Variants in NAV2 observed in about 807,000 individuals in gnomAD.
NAV2 encodes the protein neuron navigator 2, also known as helicase, APC down-regulated 1.
In NAV2, 54 loss-of-function variants were observed where a neutral mutation model predicts 223.2. The ratio of observed to expected loss-of-function variants is 0.24; its 90% CI spans 0.19 to 0.30. The LOEUF is 0.30. Among genes scored for constraint, NAV2 ranks in the 10% least tolerant of loss-of-function variants. The probability of loss-of-function intolerance (pLI) is 1.00; values close to 1 mark genes in which losing one functional copy is unlikely to be tolerated. For synonymous variants in NAV2, 1,279 were observed against 1,239.3 expected (o/e 1.03, Z -0.67); for missense variants, 2,806 against 3,147.5 (o/e 0.89, Z 2.60).
At chr11:19,373,611 T>C (rs1037455960) in intron 1 of NAV2, among the ~76,000 whole-genome samples, 3 of 152,210 alleles carry the variant, frequency 2.0e-5, no homozygotes, top group Non-Finnish European at 2.9e-5. Context: ...CTGTAGCCTC[T>C]TACCCTCCCT....
At chr11:19,874,497 A>T (rs2625313) in intron 4 of NAV2, among the ~76,000 whole-genome samples, 1 of 152,056 alleles carries the variant, frequency 6.6e-6, no homozygotes, top group African/African-American at 2.4e-5. Context: ...TCCTTTTCCA[A>T]AGCCTTGGGG....
At position 20,045,097 on chromosome 11, in the gene NAV2, C is replaced by G; in HGVS notation, c.3329C>G (p.Ser1110Cys). 6.2e-7 allele frequency: 1 copy of G among 1,614,202 alleles called. No homozygotes were observed. The highest frequency in any genetic ancestry group is 8.5e-7 in the Non-Finnish European group (1 of 1,180,018). ...DESKKPLPSSSRTPTANANSF... is the reference protein window; with the variant it reads ...DESKKPLPSSCRTPTANANSF... ...TCCAAAAAGCCCCTCCCCAGCAGCT[C>G]TAGGACACCTACTGCCAATGCCAAC... is the stretch of plus-strand genomic sequence containing the variant. The change falls in exon 14 of 38, where the codon TCT becomes TGT. Residue 1110 changes from serine to cysteine, a missense_variant. By Grantham distance (112) the Ser-to-Cys change is moderately radical. Coordinates refer to ENST00000349880, the MANE Select transcript of NAV2 (RefSeq NM_145117.5).
chr11:19,355,730 A>G (rs1853579223), intron 1 of NAV2, among the ~76,000 whole-genome samples: 1 of 152,178 alleles, frequency 6.6e-6, no homozygotes, highest in Non-Finnish European at 1.5e-5. Flanking sequence ...TCAGTCCTGC[A>G]TGGTAACTGT....
In NAV2 at chr11:19,686,848, A is replaced by T. The variant is rs139499130; in HGVS notation, c.76-145636A>T. On this transcript the variant is annotated intron_variant, in intron 1 of 37. Transcript: ENST00000360655. ...ACTCAATTATAACATTTAGTCTTTA[A>T]TGGATACTTCTTAGTTTTTGCCAGG... Among the ~76,000 whole-genome samples the T allele has an allele frequency of 7.9e-5, 12 of 152,346 alleles. No individual in the cohort carries two copies. In the East Asian group the frequency reaches 1.9e-3, roughly 24 times the overall value.
intron 11 of NAV2, among the ~76,000 whole-genome samples, chr11:19,989,277 A>T (rs1224504201): frequency 1.3e-5 from 2 of 152,214 alleles, no homozygotes; most frequent in Non-Finnish European, 2.9e-5. Context: ...GGAGGCCAAG[A>T]GGAGGAGGTC....
At chr11:19,693,332 C>A (rs1393930230) in intron 1 of NAV2, among the ~76,000 whole-genome samples, 1 of 152,166 alleles carries the variant, frequency 6.6e-6, no homozygotes, top group Non-Finnish European at 1.5e-5. Context: ...GCGGCAACAG[C>A]TAGAGGAAAT....
chr11:19,588,440 G>T (rs1336388254), intron 1 of NAV2, among the ~76,000 whole-genome samples: 1 of 152,198 alleles, frequency 6.6e-6, no homozygotes, highest in East Asian at 1.9e-4. Flanking sequence ...CTTGACAGTG[G>T]CTTCCTGAAG....
At chr11:19,591,542 G>C (rs2046061764) in intron 1 of NAV2, among the ~76,000 whole-genome samples, 1 of 152,152 alleles carries the variant, frequency 6.6e-6, no homozygotes, top group African/African-American at 2.4e-5. Context: ...ACCTCTATGT[G>C]AACTGCTTCA....
intron 1 of NAV2, among the ~76,000 whole-genome samples, chr11:19,508,425 C>A (rs1004332013): frequency 6.6e-6 from 1 of 152,168 alleles, no homozygotes; most frequent in Non-Finnish European, 1.5e-5. Context: ...TCCTGCTAAT[C>A]CTATTTGGTT....
intron 32 of NAV2, among the ~76,000 whole-genome samples, chr11:20,101,999 T>C (rs1242245956): frequency 6.6e-6 from 1 of 152,156 alleles, no homozygotes; most frequent in Non-Finnish European, 1.5e-5. Context: ...CCTCACTTCT[T>C]GATGACCTAT....
intron 1 of NAV2, among the ~76,000 whole-genome samples, chr11:19,530,548 A>G (rs1004493156): frequency 1.3e-5 from 2 of 152,180 alleles, no homozygotes; most frequent in African/African-American, 4.8e-5. Flanking sequence ...CACCCTGCTG[A>G]TGGATGGTAT....
chr11:19,670,104 T>A (rs1332728097), intron 1 of NAV2, among the ~76,000 whole-genome samples: 1 of 152,162 alleles, frequency 6.6e-6, no homozygotes, highest in Non-Finnish European at 1.5e-5. Flanking sequence ...TCTCTGAGCC[T>A]CAGTCCCTCA....
At chr11:19,479,274 G>A (rs1157855770) in intron 1 of NAV2, among the ~76,000 whole-genome samples, 1 of 152,144 alleles carries the variant, frequency 6.6e-6, no homozygotes, top group Non-Finnish European at 1.5e-5. Flanking sequence ...GGCATATTAG[G>A]AGCTAGTTTT....
rs187180076 is a variant in NAV2, at chr11:19,902,320, G to A, written c.931+9726G>A. ...GAGGAGACACAAAAATCCCTCTAAT[G>A]TGTGAAACTAATAACCTTTAATGCT... On this transcript the variant is annotated intron_variant, in intron 6 of 37. Transcript: ENST00000349880. 1.8e-4 allele frequency among the ~76,000 whole-genome samples: 28 copies of A among 152,282 alleles called. No homozygotes were observed. The East Asian group carries it at 4.6e-3, about 25-fold the overall frequency.
intron 1 of NAV2, among the ~76,000 whole-genome samples, chr11:19,512,962 G>A (rs2043325874): frequency 6.6e-6 from 1 of 152,158 alleles, no homozygotes; most frequent in Non-Finnish European, 1.5e-5. Flanking sequence ...TGAGAACTTT[G>A]CTTTGGAAAT....
chr11:20,090,843 A>T (rs745335005), intron 26 of NAV2, 22 bp from the exon 27 acceptor site: 4 of 1,611,834 alleles, frequency 2.5e-6, no homozygotes, highest in Non-Finnish European at 3.4e-6. Flanking sequence ...TGCTTTCATC[A>T]GTAACATTCC....
At chr11:19,859,530 A>G (rs2061571368) in intron 3 of NAV2, among the ~76,000 whole-genome samples, 4 of 150,488 alleles carry the variant, frequency 2.7e-5, no homozygotes, top group African/African-American at 9.8e-5. Context: ...AAAGTCTCCC[A>G]TGTCTACCTC....
intron 1 of NAV2, among the ~76,000 whole-genome samples, chr11:19,663,076 C>G (rs1014581813): frequency 2.0e-5 from 3 of 152,158 alleles, no homozygotes; most frequent in Non-Finnish European, 2.9e-5. Context: ...CCCTTTCCCC[C>G]CAACCAGCCC....
chr11:19,408,824 T>TGG (rs748044849), intron 1 of NAV2, among the ~76,000 whole-genome samples: 8 of 150,246 alleles, frequency 5.3e-5, no homozygotes, highest in Non-Finnish European at 1.0e-4. Flanking sequence ...TCTGGCGGGG[T>TGG]GGGGGGATGT....
Sources: gnomAD v4.1 joint callset for allele counts (sites outside exome capture counted in the v4.1 genomes callset) on GRCh38, gnomAD v4.1.1 for gene constraint, MANE v1.5 for transcripts, NCBI Gene and HGNC (gene_info 2026-07-23, HGNC 2026-07-21) for gene names.